THADA: variants seen among roughly 807,000 people sequenced by gnomAD.
THADA encodes the protein tRNA (32-2'-O)-methyltransferase regulator THADA.
A neutral mutation model predicts 219.8 loss-of-function variants in THADA; 213 were observed. The ratio of observed to expected loss-of-function variants is 0.97; its 90% CI spans 0.87 to 1.09. The LOEUF (loss-of-function observed/expected upper bound fraction) is 1.09, where lower values mean the gene tolerates loss of function less well. THADA is among the 50% of genes least tolerant of loss of function. The pLI is 0.00. For missense variants in THADA, 2,956 were observed against 2,311.3 expected, an observed-to-expected ratio of 1.28 and a Z score of -5.72; for synonymous variants, 1,018 against 828.9, an observed-to-expected ratio of 1.23 and a Z score of -3.92.
chr2:43,376,869 CA>C (rs1190932470), intron 29 of THADA, among the ~76,000 whole-genome samples: 2 of 152,166 alleles, frequency 1.3e-5, no homozygotes, highest in Admixed American at 1.3e-4. Context: ...ATGCAGCCAA[CA>C]TTTCAAGAGC....
intron 29 of THADA, among the ~76,000 whole-genome samples, chr2:43,346,084 C>T (rs149472670): frequency 6.6e-6 from 1 of 151,798 alleles, no homozygotes; most frequent in Admixed American, 6.6e-5. Context: ...GCCAGGTACG[C>T]TGAAAAGAAC....
chr2:43,566,579 T>G (rs767161444), intron 15 of THADA, 119 bp downstream of exon 15: 9 of 1,079,574 alleles, frequency 8.3e-6, no homozygotes, highest in Non-Finnish European at 1.1e-5. Context: ...AATTATAAGG[T>G]AAGAATGAAA....
intron 32 of THADA, 57 bp from the exon 33 acceptor site, chr2:43,292,279 C>T: frequency 2.7e-6 from 3 of 1,097,668 alleles, no homozygotes; most frequent in South Asian, 3.1e-5. Context: ...GGAGATGTCT[C>T]TAGATGTTAC....
At chr2:43,587,170 C>T (rs896751145) in intron 4 of THADA, among the ~76,000 whole-genome samples, 168 bp from the exon 5 acceptor site, 1 of 152,178 alleles carries the variant, frequency 6.6e-6, no homozygotes, top group South Asian at 2.1e-4. Context: ...CTTGTCAGCA[C>T]ATCTGGTCTC....
chr2:43,384,707 T>C (rs1672428464), intron 29 of THADA, among the ~76,000 whole-genome samples: 1 of 152,248 alleles, frequency 6.6e-6, no homozygotes, highest in South Asian at 2.1e-4. Flanking sequence ...GGAACATGCC[T>C]GTAATCCCAG....
chr2:43,519,989 G>A (rs1692209457), intron 22 of THADA, among the ~76,000 whole-genome samples: 1 of 152,224 alleles, frequency 6.6e-6, no homozygotes, highest in South Asian at 2.1e-4. Context: ...TTATGATAAT[G>A]AAGGAATTGA....
intron 36 of THADA, among the ~76,000 whole-genome samples, chr2:43,241,524 G>C (rs1668619100): frequency 6.7e-6 from 1 of 148,344 alleles, no homozygotes; most frequent in African/African-American, 2.5e-5. Flanking sequence ...TTGCACCCCT[G>C]TCTGGACTTA....
At chr2:43,256,644 A>C (rs1441913314) in intron 36 of THADA, among the ~76,000 whole-genome samples, 1 of 151,138 alleles carries the variant, frequency 6.6e-6, no homozygotes, top group Non-Finnish European at 1.5e-5. Context: ...AGAGTATGTT[A>C]TGTTGCCCAG....
At chr2:43,534,863 T>G (rs1694343810) in intron 21 of THADA, among the ~76,000 whole-genome samples, 1 of 152,172 alleles carries the variant, frequency 6.6e-6, no homozygotes, top group Admixed American at 6.6e-5. Context: ...AAATGCCTAG[T>G]AGTGGGATTG....
rs114017963 is a variant in THADA, at chr2:43,278,243, C to T, written c.5296+1522G>A. On this transcript the variant is annotated intron_variant, in intron 36 of 37. Coordinates refer to ENST00000405975, the MANE Select transcript of THADA (RefSeq NM_022065.5). ...TGAGATTACAGGCGTGAGATTACTG[C>T]GCCTGGCCTAAAACAAGACAATATT... 8.3e-3 allele frequency among the ~76,000 whole-genome samples: 1,259 copies of T among 152,078 alleles called. 12 individuals are homozygous for T. Among genetic ancestry groups the T allele is most frequent in the Non-Finnish European group, 0.013 (887 of 67,986 alleles).
chr2:43,541,194 G>T lies in THADA; in HGVS notation c.3229C>A (p.Pro1077Thr), dbSNP rs767672564. Residue 1077 changes from proline to threonine, a missense_variant, in exon 21 of 38, where the codon CCA (proline) becomes ACA (threonine). By Grantham distance (38) the Pro-to-Thr change is conservative. Coordinates refer to ENST00000405975, the MANE Select transcript of THADA (RefSeq NM_022065.5). ...LCQLLPMQPVPESSDGLLTVE... is the reference protein window; with the variant it reads ...LCQLLPMQPVTESSDGLLTVE... Reference sequence around the variant, plus strand: ...GTCAATAATCCATCAGAAGATTCTGGCACAGGCTGCATGGGCAGAAGCTGG... The same window carrying T: ...GTCAATAATCCATCAGAAGATTCTGTCACAGGCTGCATGGGCAGAAGCTGG... 1.2e-6 allele frequency: 2 copies of T among 1,602,394 alleles called. No individual in the cohort carries two copies. The highest frequency in any genetic ancestry group is 3.5e-5 in the Admixed American group (2 of 57,566).
At chr2:43,397,184 C>T (rs928289166) in intron 29 of THADA, among the ~76,000 whole-genome samples, 2 of 151,922 alleles carry the variant, frequency 1.3e-5, no homozygotes, top group South Asian at 2.1e-4. Context: ...TCAGCAGTGT[C>T]GATCTCAGGC....
chr2:43,545,566 A>C (rs910751188), intron 20 of THADA, among the ~76,000 whole-genome samples: 1 of 152,224 alleles, frequency 6.6e-6, no homozygotes, highest in Non-Finnish European at 1.5e-5. Flanking sequence ...CTATTGGTCT[A>C]TTCAGAGATT....
chr2:43,467,785 G>C (rs548664193), intron 26 of THADA, among the ~76,000 whole-genome samples: 7 of 124,580 alleles, frequency 5.6e-5, no homozygotes, highest in East Asian at 2.4e-4. Context: ...TACCACAACT[G>C]ACTAAACGAT....
chr2:43,357,399 C>T (rs1202829707), intron 29 of THADA, among the ~76,000 whole-genome samples: 1 of 152,070 alleles, frequency 6.6e-6, no homozygotes, highest in Non-Finnish European at 1.5e-5. Flanking sequence ...ATGTTGTATA[C>T]ATAACATATT....
At chr2:43,311,598 A>T (rs1677519972) in intron 31 of THADA, among the ~76,000 whole-genome samples, 1 of 152,212 alleles carries the variant, frequency 6.6e-6, no homozygotes, top group African/African-American at 2.4e-5. Flanking sequence ...ATAACAACCC[A>T]AAAGTGAAAA....
intron 15 of THADA, chr2:43,564,424 T>C (rs881477): frequency 0.43 from 66,120 of 152,250 alleles, 16,748 homozygotes; most frequent in African/African-American, 0.71. Flanking sequence ...AGCCATCTCA[T>C]GCCAATCTCT....
chr2:43,335,954 G>A (rs1031963459), intron 30 of THADA, among the ~76,000 whole-genome samples: 4 of 152,010 alleles, frequency 2.6e-5, no homozygotes, highest in Non-Finnish European at 4.4e-5. Context: ...AACCTTAGCC[G>A]GGTGTGGTGG....
chr2:43,259,932 C>T (rs1377435415), intron 36 of THADA, among the ~76,000 whole-genome samples: 2 of 152,184 alleles, frequency 1.3e-5, no homozygotes, highest in African/African-American at 4.8e-5. Context: ...ATTTATAGTT[C>T]CACCTGGTAT....
Sources: allele counts gnomAD v4.1 joint callset (sites outside exome capture counted in the v4.1 genomes callset), GRCh38; gene constraint gnomAD v4.1.1; transcripts MANE v1.5; gene names NCBI Gene and HGNC (gene_info 2026-07-23, HGNC 2026-07-21).